Variants in MED14 observed in about 807,000 individuals in gnomAD.
MED14 encodes mediator complex subunit 14.
Under a neutral mutation model 109.0 loss-of-function variants are expected in MED14, and 8 were observed. The observed-to-expected ratio is 0.07, with a 90% CI of 0.04 to 0.13. The LOEUF is 0.13. Among genes scored for constraint, MED14 ranks in the 10% least tolerant of loss-of-function variants. The pLI, the probability that MED14 is intolerant of heterozygous loss-of-function variation, is 1.00. For missense variants in MED14, 711 were observed against 1,142.4 expected, an observed-to-expected ratio of 0.62 and a Z score of 5.44; for synonymous variants, 399 against 408.7, an observed-to-expected ratio of 0.98 and a Z score of 0.29.
Position 40,723,393 on chromosome X carries a change from C to T in MED14, c.348+3353G>A, listed in dbSNP as rs758534267. 3.6e-5 allele frequency among the ~76,000 whole-genome samples: 4 copies of T among 111,145 alleles called. No homozygotes were observed. The East Asian group carries it at 1.1e-3, about 31-fold the overall frequency. On this transcript the variant is annotated intron_variant, in intron 3 of 30. Coordinates refer to ENST00000324817, the MANE Select transcript of MED14 (RefSeq NM_004229.4). ...CAAAAACCATACAATGGGCCGGGCG[C>T]GGTGGCTCACGCCTGTAATCCCAGC...
chrX:40,689,782 T>A (rs935952757), intron 15 of MED14, among the ~76,000 whole-genome samples: 14 of 111,979 alleles, frequency 1.3e-4, no homozygotes, highest in African/African-American at 4.5e-4. Context: ...AAGCAGAAAA[T>A]ATACTTGCTT....
chrX:40,680,014 C>G lies in MED14; in HGVS notation c.2730G>C (p.Ser910=), dbSNP rs770372338. 8.3e-7 allele frequency: 1 copy of G among 1,210,351 alleles called. No homozygotes were observed. Among genetic ancestry groups the G allele is most frequent in the South Asian group, 1.8e-5 (1 of 56,929 alleles). Residue 910 remains serine, a synonymous_variant, in exon 21 of 31, where the codon TCG becomes TCC. Coordinates refer to ENST00000324817, the MANE Select transcript of MED14 (RefSeq NM_004229.4). ...AYQCFSILPQ[S]STHIRLAFRN... is the part of the protein sequence containing the mutation. ...TGAAGGCCAGTCTGATGTGGGTGGACGACTGTGGCAGAATGGAGAAGCACT... is the reference window on the plus strand; with the variant it reads ...TGAAGGCCAGTCTGATGTGGGTGGAGGACTGTGGCAGAATGGAGAAGCACT...
chrX:40,664,320 A>T lies in MED14; in HGVS notation c.3435T>A (p.Pro1145=). Residue 1145 remains proline (P), a synonymous_variant, in exon 25 of 31, where the codon CCT becomes CCA. Coordinates refer to ENST00000324817, the MANE Select transcript of MED14 (RefSeq NM_004229.4). ...GATGATACTTACTTGTTCCAGCTCG[A>T]GGGGAATGAGAAGCATCTGGAACCG... ...HSPVPDASHS[P]RAGTSSQTMP... 1 of 1,200,773 alleles carries T rather than the reference A, an allele frequency of 8.3e-7. No individual in the cohort carries two copies.
Position 40,703,427 on chromosome X carries a change from A to T in MED14, c.1411+17T>A, listed in dbSNP as rs1376129082. ...AATTTTTCTTACATTGAATGATTAT[A>T]TCATTTAGTAACTTACCAAGTCCAT... On this transcript the variant is annotated intron_variant, in intron 11 of 30. Coordinates refer to ENST00000324817, the MANE Select transcript of MED14 (RefSeq NM_004229.4). 2 of 1,153,661 alleles carry T rather than the reference A, an allele frequency of 1.7e-6. No homozygotes were observed. The highest frequency in any genetic ancestry group is 2.3e-6 in the Non-Finnish European group (2 of 851,475).
chrX:40,681,127 TAA>T (rs774823672), intron 19 of MED14, among the ~76,000 whole-genome samples: 2 of 112,515 alleles, frequency 1.8e-5, no homozygotes, highest in Non-Finnish European at 3.8e-5. Context: ...TTTTACTAAA[TAA>T]AACAGAAAGG....
chrX:40,710,899 G>C (rs923019440), intron 8 of MED14, among the ~76,000 whole-genome samples: 2 of 111,639 alleles, frequency 1.8e-5, no homozygotes, highest in African/African-American at 6.5e-5. Flanking sequence ...ACTGGCTCCA[G>C]GATTCCCGTC....
chrX:40,702,575 T>C (rs1316046609), intron 11 of MED14, among the ~76,000 whole-genome samples: 1 of 111,090 alleles, frequency 9.0e-6, no homozygotes, highest in Non-Finnish European at 1.9e-5. Flanking sequence ...CTCGATCTCC[T>C]GACATTGTGA....
chrX:40,656,246 T>G (rs928485365), intron 28 of MED14, among the ~76,000 whole-genome samples: 14 of 111,536 alleles, frequency 1.3e-4, no homozygotes, highest in African/African-American at 4.2e-4. Flanking sequence ...ATTTCACTAT[T>G]TAAAAGAAAA....
chrX:40,685,672 A>G (rs1021353830), intron 16 of MED14, among the ~76,000 whole-genome samples: 2 of 112,225 alleles, frequency 1.8e-5, no homozygotes, highest in South Asian at 3.7e-4. Context: ...TTGTGTCCCA[A>G]TCCTAATTTG....
chrX:40,698,800 G>A (rs1038994290), intron 12 of MED14, among the ~76,000 whole-genome samples: 4 of 111,989 alleles, frequency 3.6e-5, no homozygotes, highest in African/African-American at 1.3e-4. Context: ...GGAAATTCTC[G>A]CAACATTACT....
intron 21 of MED14, among the ~76,000 whole-genome samples, 179 bp downstream of exon 21, chrX:40,679,682 CACA>C (rs1930044248): frequency 8.9e-6 from 1 of 111,975 alleles, no homozygotes; most frequent in Non-Finnish European, 1.9e-5. Context: ...TACACATAAG[CACA>C]ACACTTTATC....
rs1175818500 is a variant in MED14, at chrX:40,649,219, T to C, written c.*2587A>G. 1 of 115,556 alleles carries C rather than the reference T, an allele frequency of 8.7e-6. No individual in the cohort carries two copies. The highest frequency in any genetic ancestry group is 1.8e-5 in the Non-Finnish European group (1 of 55,642). 9.5% of individuals were successfully genotyped at this position (115,556 alleles called of 1,213,427 possible). On this transcript the variant is annotated 3_prime_UTR_variant, in exon 31 of 31. Transcript: ENST00000324817. ...TGTTAGTATCCTTTGGCTGAACAGATTACTGTGTTAATTAGAACACAGTTA... is the reference window on the plus strand; with the variant it reads ...TGTTAGTATCCTTTGGCTGAACAGACTACTGTGTTAATTAGAACACAGTTA...
intron 26 of MED14, 122 bp downstream of exon 26, chrX:40,662,803 A>C: frequency 2.0e-6 from 1 of 503,474 alleles, no homozygotes; most frequent in Non-Finnish European, 3.3e-6. Flanking sequence ...TCATAATTCT[A>C]ACAAGCTTGT....
chrX:40,723,144 C>T (rs926430654), intron 3 of MED14, among the ~76,000 whole-genome samples: 1 of 111,807 alleles, frequency 8.9e-6, no homozygotes, highest in Non-Finnish European at 1.9e-5. Context: ...GGTAAACCAA[C>T]AGGAAATCGT....
At position 40,735,470 on chromosome X, in the gene MED14, G is replaced by T. The variant is rs1017584871; in HGVS notation, c.-58C>A. ...CACGATGCGGTCCTCGAGCCTCCCGGGCGCTCGGTCACCGCGCCGAAACGG... is the reference window on the plus strand; with the variant it reads ...CACGATGCGGTCCTCGAGCCTCCCGTGCGCTCGGTCACCGCGCCGAAACGG... On this transcript the variant is annotated 5_prime_UTR_variant, in exon 1 of 31. Coordinates refer to ENST00000324817, the MANE Select transcript of MED14 (RefSeq NM_004229.4). The T allele has an allele frequency of 2.8e-6, 3 of 1,060,167 alleles. No homozygotes were observed. The African/African-American group carries it at 5.5e-5, about 20-fold the overall frequency. 87.4% of individuals were successfully genotyped at this position (1,060,167 alleles called of 1,213,427 possible). A position where few individuals can be genotyped will look rare whatever the true frequency, so the allele number is the denominator to read the frequency against.
intron 10 of MED14, among the ~76,000 whole-genome samples, chrX:40,707,301 C>T (rs1178122606): frequency 1.8e-5 from 2 of 112,200 alleles, no homozygotes; most frequent in African/African-American, 6.5e-5. Flanking sequence ...TAAAAGAATG[C>T]AAACAATAAC....
At chrX:40,728,913 G>A (rs1014765643) in intron 2 of MED14, among the ~76,000 whole-genome samples, 7 of 110,792 alleles carry the variant, frequency 6.3e-5, no homozygotes, top group African/African-American at 2.3e-4. Flanking sequence ...CACCTCCTGG[G>A]TTCAAACAAT....
Position 40,675,278 on chromosome X carries a change from T to C in MED14, c.2964A>G (p.Ile988Met), listed in dbSNP as rs758704520. The C allele has an allele frequency of 1.7e-6, 2 of 1,193,831 alleles. No individual in the cohort carries two copies. The highest frequency in any genetic ancestry group is 2.3e-6 in the Non-Finnish European group (2 of 885,680). ...VNEDDNPPSP[I>M]GGDMMDSLIS... is the part of the protein sequence containing the mutation. ...TTAAAGAATCCATCATATCTCCTCCTATAGGAGAAGGGGGATTATCGTCCT... is the reference window on the plus strand; with the variant it reads ...TTAAAGAATCCATCATATCTCCTCCCATAGGAGAAGGGGGATTATCGTCCT... Residue 988 changes from isoleucine (I) to methionine (M), a missense_variant, in exon 22 of 31, where the codon ATA (isoleucine) becomes ATG (methionine). By Grantham distance (10) the Ile-to-Met change is conservative. Coordinates refer to ENST00000324817, the MANE Select transcript of MED14 (RefSeq NM_004229.4).
At position 40,710,127 on chromosome X, in the gene MED14, T is replaced by G. The variant is rs1335694243; in HGVS notation, c.1025A>C (p.Gln342Pro). The change falls in exon 9 of 31, where the codon CAA (glutamine) becomes CCA (proline). Residue 342 changes from glutamine (Q) to proline (P), a missense_variant and splice_region_variant. Physicochemically the swap from Gln to Pro is moderately conservative, Grantham distance 76. Coordinates refer to ENST00000324817, the MANE Select transcript of MED14 (RefSeq NM_004229.4). The stretch of plus-strand genomic sequence containing the variant: ...TCCAGTTTTTCTCCCAAGAACCTGT[T>G]GACTAAAGAAAAAAATGAAATGAAG... ...GKCLSLSVWN[Q>P]QVLGRKTGTA... The G allele has an allele frequency of 1.7e-6, 2 of 1,142,861 alleles. No homozygotes were observed. Among genetic ancestry groups the G allele is most frequent in the Admixed American group, 3.1e-5 (1 of 32,389 alleles). The allele number at this position is 1,142,861 out of a possible 1,213,427, so 94.2% of individuals were successfully genotyped here.
Sources: gnomAD v4.1 joint callset for allele counts (sites outside exome capture counted in the v4.1 genomes callset) on GRCh38, gnomAD v4.1.1 for gene constraint, MANE v1.5 for transcripts, NCBI Gene and HGNC (gene_info 2026-07-23, HGNC 2026-07-21) for gene names.